Variants in ANKRD17 observed in about 807,000 individuals in gnomAD.
The protein encoded by ANKRD17 is ankyrin repeat domain 17, also known as ankyrin repeat domain-containing protein 17.
Under a neutral mutation model 229.7 loss-of-function variants are expected in ANKRD17, and 19 were observed. The ratio of observed to expected loss-of-function variants is 0.08; its 90% confidence interval spans 0.06 to 0.12. ANKRD17 has a LOEUF of 0.12. ANKRD17 is among the 10% of genes least tolerant of loss of function. The probability of loss-of-function intolerance (pLI) is 1.00; values close to 1 mark genes in which losing one functional copy is unlikely to be tolerated. For synonymous variants in ANKRD17, 1,112 were observed against 1,146.1 expected (o/e 0.97, Z 0.60); for missense variants, 2,176 against 3,176.8 (o/e 0.68, Z 7.57).
chr4:73,144,901 T>A, intron 10 of ANKRD17, 69 bp from the exon 11 acceptor site: 1 of 1,136,016 alleles, frequency 8.8e-7, no homozygotes, highest in South Asian at 1.5e-5. Flanking sequence ...TTCATGGAAA[T>A]CAAAAGGAAA....
intron 18 of ANKRD17, among the ~76,000 whole-genome samples, chr4:73,122,527 T>C (rs1485034635): frequency 1.3e-5 from 2 of 152,282 alleles, no homozygotes; most frequent in South Asian, 2.1e-4. Context: ...CATTGTCCAC[T>C]ATGCCATTTA....
intron 24 of ANKRD17, among the ~76,000 whole-genome samples, chr4:73,105,909 A>C (rs926883349): frequency 2.6e-5 from 4 of 152,158 alleles, no homozygotes; most frequent in African/African-American, 9.7e-5. Flanking sequence ...GCATAGGGAG[A>C]GGTGCTAATA....
At chr4:73,169,514 G>A (rs1166846357) in intron 2 of ANKRD17, among the ~76,000 whole-genome samples, 2 of 152,056 alleles carry the variant, frequency 1.3e-5, no homozygotes, top group African/African-American at 2.4e-5. Context: ...GAGATAGATG[G>A]AGTAAGATGG....
intron 30 of ANKRD17, among the ~76,000 whole-genome samples, chr4:73,079,837 G>C (rs572729207): frequency 1.8e-4 from 28 of 152,068 alleles, no homozygotes; most frequent in Non-Finnish European, 3.7e-4. Flanking sequence ...AATATTGGCC[G>C]GGCGCGGTGG....
chr4:73,122,810 G>A (rs771313708), intron 18 of ANKRD17, among the ~76,000 whole-genome samples: 13 of 151,952 alleles, frequency 8.6e-5, no homozygotes, highest in Admixed American at 3.3e-4. Flanking sequence ...AAAATATAGC[G>A]TTAGGCTATT....
At chr4:73,203,882 G>A (rs541423801) in intron 1 of ANKRD17, among the ~76,000 whole-genome samples, 1 of 151,678 alleles carries the variant, frequency 6.6e-6, no homozygotes, top group South Asian at 2.1e-4. Flanking sequence ...GAAGAAAAGT[G>A]CACCAAGGCA....
At chr4:73,123,689 T>G (rs575300794) in intron 18 of ANKRD17, among the ~76,000 whole-genome samples, 131 of 152,168 alleles carry the variant, frequency 8.6e-4, no homozygotes, top group African/African-American at 3.1e-3. Context: ...TTCCCATTCT[T>G]TTGTATAGGA....
chr4:73,228,968 T>G (rs902959868), intron 1 of ANKRD17, among the ~76,000 whole-genome samples: 5 of 152,078 alleles, frequency 3.3e-5, no homozygotes, highest in Non-Finnish European at 7.4e-5. Context: ...AAAGGATGAG[T>G]TCATGTCCTT....
At chr4:73,102,873 T>A (rs1367182107) in intron 24 of ANKRD17, 1 of 228,910 alleles carries the variant, frequency 4.4e-6, no homozygotes, top group Non-Finnish European at 8.3e-6. Context: ...TAAAAAGGTA[T>A]CAGATATCAG....
intron 1 of ANKRD17, among the ~76,000 whole-genome samples, chr4:73,229,241 C>A (rs1282093341): frequency 5.9e-5 from 9 of 152,064 alleles, no homozygotes; most frequent in Non-Finnish European, 1.2e-4. Context: ...ATGTAACAAA[C>A]CTGCACGTTG....
At chr4:73,117,785 A>C (rs1726150357) in intron 22 of ANKRD17, among the ~76,000 whole-genome samples, 1 of 152,230 alleles carries the variant, frequency 6.6e-6, no homozygotes, top group African/African-American at 2.4e-5. Context: ...TCCCAATAAC[A>C]AACTAAAGCT....
rs150543736 is a variant in ANKRD17, at chr4:73,158,186, A to AAGAG, written c.705-2024_705-2021dup. Among the ~76,000 whole-genome samples, 12 of 112,044 alleles carry AAGAG rather than the reference A, an allele frequency of 1.1e-4. No individual in the cohort carries two copies. The South Asian group carries it at 2.2e-3, about 21-fold the overall frequency. 73.5% of individuals were successfully genotyped at this position (112,044 alleles called of 152,430 possible). A position where few individuals can be genotyped will look rare whatever the true frequency, so the allele number is the denominator to read the frequency against. ...AAAGAAAGAAAGAAAGAAAGAAAGA[A>AAGAG]AGAGAGAGAAAGAAAGAAAGAAAAG... On this transcript the variant is annotated intron_variant, in intron 3 of 33. Transcript: ENST00000358602.
At chr4:73,211,409 T>A (rs571819421) in intron 1 of ANKRD17, among the ~76,000 whole-genome samples, 2 of 152,258 alleles carry the variant, frequency 1.3e-5, no homozygotes, top group South Asian at 4.1e-4. Flanking sequence ...AATGTATAGT[T>A]CAAAGCCAAA....
Position 73,191,383 on chromosome 4 carries a change from GTGTA to G in ANKRD17, c.394-13854_394-13851del, listed in dbSNP as rs1315447058. ...TGTGTGTGTGTGTGTGTGTGTGTGTGTGTATCTCCAGATGTAAAGGAAAATCTAC... is the reference window on the plus strand; with the variant it reads ...TGTGTGTGTGTGTGTGTGTGTGTGTGTCTCCAGATGTAAAGGAAAATCTAC... On this transcript the variant is annotated intron_variant, in intron 1 of 33. Transcript: ENST00000358602. Among the ~76,000 whole-genome samples the G allele has an allele frequency of 1.4e-4, 21 of 151,054 alleles. No individual in the cohort carries two copies. The Middle Eastern group carries it at 0.01, about 74-fold the overall frequency.
chr4:73,176,282 T>C (rs922634314), intron 2 of ANKRD17, among the ~76,000 whole-genome samples: 4 of 152,096 alleles, frequency 2.6e-5, no homozygotes, highest in South Asian at 2.1e-4. Flanking sequence ...AAATGACTTA[T>C]CCAAAAGACA....
chr4:73,151,558 AT>A, intron 6 of ANKRD17, 34 bp from the exon 7 acceptor site: 1 of 1,365,312 alleles, frequency 7.3e-7, no homozygotes, highest in Non-Finnish European at 9.8e-7. Context: ...ACTTGAAAAT[AT>A]TTTATTATTC....
At position 73,124,903 on chromosome 4, in the gene ANKRD17, GA is replaced by G. The variant is rs1727236590; in HGVS notation, c.3492+9del. 6.2e-7 allele frequency: 1 copy of G among 1,613,120 alleles called. No homozygotes were observed. The highest frequency in any genetic ancestry group is 1.1e-5 in the South Asian group (1 of 90,890). ...GAAAGGAAAACAATTACACTAAGGG[GA>G]AACATTACCTCCTGTCTTCCCCCAG... On this transcript the variant is annotated intron_variant, in intron 18 of 33. Transcript: ENST00000358602.
intron 2 of ANKRD17, among the ~76,000 whole-genome samples, chr4:73,166,844 A>G (rs910606768): frequency 1.3e-5 from 2 of 152,132 alleles, no homozygotes; most frequent in East Asian, 3.8e-4. Flanking sequence ...GTATGTGTAT[A>G]TATTTAAGAA....
At chr4:73,243,820 C>T (rs1439894488) in intron 1 of ANKRD17, among the ~76,000 whole-genome samples, 2 of 152,172 alleles carry the variant, frequency 1.3e-5, no homozygotes, top group Admixed American at 6.5e-5. Context: ...TGGAAAATGA[C>T]GTTGGCAACT....
Sources: gnomAD v4.1 joint callset for allele counts (sites outside exome capture counted in the v4.1 genomes callset) on GRCh38, gnomAD v4.1.1 for gene constraint, MANE v1.5 for transcripts, NCBI Gene and HGNC (gene_info 2026-07-23, HGNC 2026-07-21) for gene names.